Variants in ADCY8 observed in about 807,000 individuals in gnomAD.
ADCY8 encodes adenylate cyclase type 8.
A neutral mutation model predicts 119.7 loss-of-function variants in ADCY8; 51 were observed. The observed-to-expected ratio is 0.43, with a 90% CI of 0.34 to 0.54. The LOEUF is 0.54. ADCY8 is among the 20% of genes least tolerant of loss of function. ADCY8 has a pLI of 0.03. For synonymous variants in ADCY8, 665 were observed against 651.0 expected, an observed-to-expected ratio of 1.02 and a Z score of -0.33; for missense variants, 1,383 against 1,598.8, an observed-to-expected ratio of 0.87 and a Z score of 2.30.
At chr8:131,011,305 A>G (rs1823295395) in intron 1 of ADCY8, among the ~76,000 whole-genome samples, 1 of 152,226 alleles carries the variant, frequency 6.6e-6, no homozygotes, top group African/African-American at 2.4e-5. Context: ...AAGTCTATAA[A>G]TATTCACAGA....
chr8:130,819,656 T>C (rs1816447837), intron 13 of ADCY8, among the ~76,000 whole-genome samples: 1 of 152,214 alleles, frequency 6.6e-6, no homozygotes, highest in Admixed American at 6.5e-5. Context: ...TGTCTAAATC[T>C]GTTTTTGTAG....
chr8:130,909,723 G>C lies in ADCY8; in HGVS notation c.1625C>G (p.Ser542Cys), dbSNP rs368729916. ...WDVDIANKLESGGIPGRIHIS... is the reference protein window; with the variant it reads ...WDVDIANKLECGGIPGRIHIS... ...TTTATCTTACCCAGGGATTCCTCCAGATTCGAGTTTGTTTGCAATATCCAC... is the reference window on the plus strand; with the variant it reads ...TTTATCTTACCCAGGGATTCCTCCACATTCGAGTTTGTTTGCAATATCCAC... Residue 542 changes from serine to cysteine, a missense_variant, in exon 6 of 18, where the codon TCT (serine) becomes TGT (cysteine). Coordinates refer to ENST00000286355, the MANE Select transcript of ADCY8 (RefSeq NM_001115.3). 9.9e-6 allele frequency: 16 copies of C among 1,613,994 alleles called. No homozygotes were observed. In the African/African-American group the frequency reaches 1.7e-4, roughly 18 times the overall value.
In ADCY8 at chr8:130,868,198, ATTATT is replaced by A. The variant is rs561992278; in HGVS notation, c.2110-257_2110-253del. ...GTTCTTCCCCTCCCTCTGAACTAAC[ATTATT>A]TTAACAGAACAGAAGAGCGCACATC... On this transcript the variant is annotated intron_variant, in intron 8 of 17. Transcript: ENST00000286355. 6.9e-3 allele frequency among the ~76,000 whole-genome samples: 1,056 copies of A among 152,286 alleles called. 8 individuals are homozygous for A. The highest frequency in any genetic ancestry group is 0.025 in the Admixed American group (379 of 15,292).
At chr8:130,987,265 G>A (rs186758052) in intron 2 of ADCY8, among the ~76,000 whole-genome samples, 24 of 151,630 alleles carry the variant, frequency 1.6e-4, no homozygotes, top group African/African-American at 5.8e-4. Flanking sequence ...ATTTTTTTTC[G>A]ATAGCCTTCT....
chr8:130,849,046 G>A (rs918598096), intron 10 of ADCY8, among the ~76,000 whole-genome samples: 1 of 152,092 alleles, frequency 6.6e-6, no homozygotes, highest in Non-Finnish European at 1.5e-5. Context: ...ATAAATGGCA[G>A]CTATTTCATT....
chr8:130,862,634 C>T (rs111720921), intron 9 of ADCY8, among the ~76,000 whole-genome samples: 14,094 of 152,108 alleles, frequency 0.093, 697 homozygotes, highest in African/African-American at 0.11. Flanking sequence ...AGGATGGTCT[C>T]GATCTCCTGA....
intron 13 of ADCY8, among the ~76,000 whole-genome samples, chr8:130,819,808 CT>C (rs1308792654): frequency 1.3e-5 from 2 of 152,238 alleles, no homozygotes; most frequent in Non-Finnish European, 2.9e-5. Context: ...AATGGCTAGA[CT>C]TTGACATTTG....
intron 1 of ADCY8, among the ~76,000 whole-genome samples, chr8:131,004,361 C>T (rs968196311): frequency 2.6e-5 from 4 of 152,150 alleles, no homozygotes; most frequent in Admixed American, 6.6e-5. Context: ...ACCTCCCATG[C>T]TTTTTTGTTG....
At chr8:130,891,589 G>A (rs1413119295) in intron 7 of ADCY8, among the ~76,000 whole-genome samples, 1 of 152,104 alleles carries the variant, frequency 6.6e-6, no homozygotes, top group Non-Finnish European at 1.5e-5. Context: ...AGGTGATCTA[G>A]TCTACAATGG....
chr8:130,810,629 GAGT>G (rs1267984386), intron 14 of ADCY8, among the ~76,000 whole-genome samples: 1 of 152,224 alleles, frequency 6.6e-6, no homozygotes, highest in East Asian at 1.9e-4. Flanking sequence ...ATCTGGCATG[GAGT>G]AGGTGTTCAG....
intron 4 of ADCY8, among the ~76,000 whole-genome samples, chr8:130,942,397 C>T (rs752109762): frequency 1.2e-4 from 18 of 152,190 alleles, no homozygotes; most frequent in Non-Finnish European, 1.9e-4. Flanking sequence ...TTACCTTCCT[C>T]ATAACACATG....
In ADCY8 at chr8:130,780,547, A is replaced by G; in HGVS notation, c.3599T>C (p.Val1200Ala). Residue 1200 changes from valine to alanine, a missense_variant, in exon 18 of 18, where the codon GTC becomes GCC. Val to Ala is a moderately conservative substitution (Grantham distance 64, BLOSUM62 0). Transcript: ENST00000286355. ...CTGCCTTTGCCTATTGAGGGACTGG[A>G]CAAGTCCCAGGACAACCGCGGCCAG... ...YSLAAVVLGL[V>A]QSLNRQRQKQ... 1 of 1,614,146 alleles carries G rather than the reference A, an allele frequency of 6.2e-7. No homozygotes were observed. Among genetic ancestry groups the G allele is most frequent in the Non-Finnish European group, 8.5e-7 (1 of 1,180,022 alleles).
intron 2 of ADCY8, among the ~76,000 whole-genome samples, chr8:130,968,731 T>C (rs1263809616): frequency 1.3e-5 from 2 of 152,066 alleles, no homozygotes; most frequent in South Asian, 4.1e-4. Flanking sequence ...TCTAACATTA[T>C]GAAATAAAGA....
intron 12 of ADCY8, among the ~76,000 whole-genome samples, chr8:130,827,714 A>C (rs989304013): frequency 6.6e-6 from 1 of 152,182 alleles, no homozygotes; most frequent in Non-Finnish European, 1.5e-5. Flanking sequence ...TACCCCAGAC[A>C]ATGTAGCTGC....
intron 2 of ADCY8, among the ~76,000 whole-genome samples, chr8:130,975,942 C>G (rs571454766): frequency 6.6e-6 from 1 of 152,218 alleles, no homozygotes; most frequent in South Asian, 2.1e-4. Flanking sequence ...ACTTCAAAAT[C>G]CCTTAAAATG....
At chr8:130,914,340 G>A (rs1390477635) in intron 5 of ADCY8, among the ~76,000 whole-genome samples, 2 of 152,118 alleles carry the variant, frequency 1.3e-5, no homozygotes, top group Non-Finnish European at 2.9e-5. Context: ...ACAGCACACG[G>A]CGCTAATGTC....
intron 5 of ADCY8, among the ~76,000 whole-genome samples, chr8:130,918,616 G>C (rs550335105): frequency 1.3e-5 from 2 of 152,002 alleles, no homozygotes; most frequent in African/African-American, 4.8e-5. Context: ...AACAATGTTG[G>C]ATAAAATTTT....
chr8:130,875,918 T>C (rs533343378), intron 8 of ADCY8, among the ~76,000 whole-genome samples: 1 of 152,378 alleles, frequency 6.6e-6, no homozygotes, highest in East Asian at 1.9e-4. Context: ...ATGAATGTTT[T>C]TGAAAATACT....
intron 9 of ADCY8, among the ~76,000 whole-genome samples, chr8:130,863,723 G>A (rs191833981): frequency 2.0e-5 from 3 of 152,072 alleles, no homozygotes; most frequent in African/African-American, 7.2e-5. Flanking sequence ...CATGTATAAT[G>A]CAGTTACCTT....
Sources: allele counts gnomAD v4.1 joint callset (sites outside exome capture counted in the v4.1 genomes callset), GRCh38; gene constraint gnomAD v4.1.1; transcripts MANE v1.5; gene names NCBI Gene and HGNC (gene_info 2026-07-23, HGNC 2026-07-21).